LONP2: variants seen among roughly 807,000 people sequenced by gnomAD.
LONP2 encodes lon protease homolog 2, peroxisomal.
Under a neutral mutation model 85.6 loss-of-function variants are expected in LONP2, and 60 were observed. That is an observed-to-expected ratio of 0.70 (90% CI 0.57 to 0.87). The LOEUF is 0.87. Ranked by LOEUF, LONP2 falls within the 40% of genes least tolerant of loss-of-function variation. The pLI is 0.00. For synonymous variants in LONP2, 395 were observed against 389.7 expected, an observed-to-expected ratio of 1.01 and a Z score of -0.16; for missense variants, 860 against 1,063.5, an observed-to-expected ratio of 0.81 and a Z score of 2.66.
chr16:48,289,317 C>T (rs1056654230), intron 8 of LONP2, among the ~76,000 whole-genome samples: 10 of 152,158 alleles, frequency 6.6e-5, no homozygotes, highest in Admixed American at 4.6e-4. Context: ...AAGCATGAGA[C>T]GTCAATCAGC....
At chr16:48,299,810 T>C in intron 10 of LONP2, 22 bp downstream of exon 10, 1 of 1,603,182 alleles carries the variant, frequency 6.2e-7, no homozygotes. Flanking sequence ...ATCCTGAGGC[T>C]TCATTAACTC....
intron 12 of LONP2, chr16:48,344,985 G>A (rs1761902216): frequency 6.6e-6 from 1 of 152,082 alleles, no homozygotes; most frequent in Non-Finnish European, 1.5e-5. Context: ...CACTTTGGGA[G>A]GCTGAGGAGG....
intron 8 of LONP2, among the ~76,000 whole-genome samples, chr16:48,287,127 C>G (rs550015872): frequency 2.5e-4 from 38 of 152,304 alleles, no homozygotes; most frequent in African/African-American, 8.2e-4. Flanking sequence ...CACTCCTTGC[C>G]CAAGGGGCTC....
chr16:48,316,655 A>G lies in LONP2; in HGVS notation c.1795+13350A>G, dbSNP rs188151506. Among the ~76,000 whole-genome samples the G allele has an allele frequency of 1.6e-3, 245 of 152,256 alleles. 1 individual carries two copies. The highest frequency in any genetic ancestry group is 2.1e-3 in the Non-Finnish European group (144 of 68,006). ...ATTCTTTGTATATATATGGACTCCA[A>G]TAGATTCTCCATTGATATTTTCTAT... is the stretch of plus-strand genomic sequence containing the variant. On this transcript the variant is annotated intron_variant, in intron 11 of 14. Transcript: ENST00000285737.
chr16:48,257,841 G>A (rs933889645), intron 3 of LONP2, among the ~76,000 whole-genome samples: 16 of 152,232 alleles, frequency 1.1e-4, no homozygotes, highest in Non-Finnish European at 2.1e-4. Flanking sequence ...CGGCAGCAGT[G>A]TGTTTTACTG....
chr16:48,296,572 C>A (rs555143597), intron 9 of LONP2, among the ~76,000 whole-genome samples: 35 of 152,038 alleles, frequency 2.3e-4, no homozygotes, highest in Admixed American at 1.6e-3. Context: ...AATAAAAATA[C>A]AAAAATTAGC....
chr16:48,314,368 A>G (rs1177361895), intron 11 of LONP2, among the ~76,000 whole-genome samples: 1 of 152,128 alleles, frequency 6.6e-6, no homozygotes, highest in Admixed American at 6.5e-5. Context: ...TTCTTCATGA[A>G]ATCTTTGCCC....
chr16:48,296,413 A>T (rs1287822882), intron 9 of LONP2, among the ~76,000 whole-genome samples: 1 of 152,182 alleles, frequency 6.6e-6, no homozygotes, highest in Non-Finnish European at 1.5e-5. Context: ...GACAAATAAG[A>T]CATTCTTCTT....
At chr16:48,359,390 A>C (rs1457563740), downstream of LONP2, among the ~76,000 whole-genome samples, 2 of 152,360 alleles carry the variant, frequency 1.3e-5, no homozygotes, top group East Asian at 3.9e-4. Flanking sequence ...AGACTTGAAT[A>C]TAAATCTGTG....
Position 48,252,385 on chromosome 16 carries a change from T to C in LONP2, c.468+20T>C, listed in dbSNP as rs1460214095. 6.7e-7 allele frequency: 1 copy of C among 1,490,694 alleles called. No homozygotes were observed. The allele number at this position is 1,490,694 out of a possible 1,614,324, so 92.3% of individuals were successfully genotyped here. On this transcript the variant is annotated intron_variant, in intron 2 of 14. Transcript: ENST00000285737. ...GTACAAGTAAGTTGCTTTTATTTTT[T>C]CTTAAAACCCATTTTTCTTTGGTTC...
At chr16:48,347,969 T>C in intron 13 of LONP2, 131 bp from the exon 14 acceptor site, 1 of 856,188 alleles carries the variant, frequency 1.2e-6, no homozygotes, top group Non-Finnish European at 1.8e-6. Flanking sequence ...TCACCCAAAT[T>C]GTACTGTCCA....
At position 48,299,648 on chromosome 16, in the gene LONP2, C is replaced by A; in HGVS notation, c.1535-14C>A. 1 of 1,591,858 alleles carries A rather than the reference C, an allele frequency of 6.3e-7. No homozygotes were observed. Among genetic ancestry groups the A allele is most frequent in the East Asian group, 2.2e-5 (1 of 44,660 alleles). On this transcript the variant is annotated splice_polypyrimidine_tract_variant and intron_variant, in intron 9 of 14. Transcript: ENST00000285737. ...CATGTAAATAATTACAAAACAAGATCTCTTCTTTTCCAGGTTATACACAGG... is the reference window on the plus strand; with the variant it reads ...CATGTAAATAATTACAAAACAAGATATCTTCTTTTCCAGGTTATACACAGG...
chr16:48,361,865 G>A (rs183087746), downstream of LONP2: 730 of 1,614,182 alleles, frequency 4.5e-4, 9 homozygotes, highest in South Asian at 7.1e-3. Flanking sequence ...CTAACATGAA[G>A]TGAAAGCCAA....
chr16:48,249,130 G>T (rs1015601009), intron 1 of LONP2, among the ~76,000 whole-genome samples: 1 of 152,066 alleles, frequency 6.6e-6, no homozygotes, highest in Non-Finnish European at 1.5e-5. Context: ...AAACTCTGAG[G>T]GTAGATTCGA....
intron 11 of LONP2, among the ~76,000 whole-genome samples, chr16:48,330,637 T>C (rs1959408094): frequency 6.6e-6 from 1 of 152,176 alleles, no homozygotes; most frequent in Non-Finnish European, 1.5e-5. Flanking sequence ...TCTAGGAAGA[T>C]CCAGTGTTTC....
chr16:48,298,706 T>G (rs1460371199), intron 9 of LONP2, among the ~76,000 whole-genome samples: 2 of 151,060 alleles, frequency 1.3e-5, no homozygotes, highest in African/African-American at 2.4e-5. Flanking sequence ...AAAAGATGCA[T>G]TTATTCTTCT....
At chr16:48,360,459 T>TA (rs1320743778), downstream of LONP2, 2 of 152,626 alleles carry the variant, frequency 1.3e-5, no homozygotes, top group African/African-American at 4.8e-5. Flanking sequence ...GCTATATAAT[T>TA]AAAGTATGGA....
chr16:48,288,672 T>C (rs1972499798), intron 8 of LONP2, among the ~76,000 whole-genome samples: 1 of 152,086 alleles, frequency 6.6e-6, no homozygotes, highest in Admixed American at 6.6e-5. Flanking sequence ...CATGCATCCC[T>C]GGGGTCTCCT....
intron 11 of LONP2, among the ~76,000 whole-genome samples, chr16:48,323,570 A>C (rs1452876340): frequency 6.6e-6 from 1 of 152,026 alleles, no homozygotes; most frequent in Non-Finnish European, 1.5e-5. Context: ...AGGCATGAGA[A>C]TCACATGAGC....
Sources: gnomAD v4.1 joint callset for allele counts (sites outside exome capture counted in the v4.1 genomes callset) on GRCh38, gnomAD v4.1.1 for gene constraint, MANE v1.5 for transcripts, NCBI Gene and HGNC (gene_info 2026-07-23, HGNC 2026-07-21) for gene names.